The following SLC12A4 variants were observed in gnomAD, a reference collection of about 807,000 sequenced individuals.
SLC12A4 encodes electroneutral potassium-chloride cotransporter 1.
SLC12A4 carries 84 observed loss-of-function variants against 119.2 expected under a neutral mutation model. The observed-to-expected ratio is 0.70, with a 90% CI of 0.59 to 0.85. The LOEUF (loss-of-function observed/expected upper bound fraction) is 0.85, where lower values mean the gene tolerates loss of function less well. SLC12A4 is among the 40% of genes least tolerant of loss of function. The probability of loss-of-function intolerance (pLI) is 0.00; values close to 1 mark genes in which losing one functional copy is unlikely to be tolerated. For missense variants in SLC12A4, 1,298 were observed against 1,476.3 expected (o/e 0.88, Z 1.98); for synonymous variants, 599 against 604.6 (o/e 0.99, Z 0.14).
At chr16:67,946,679 G>T (rs1199643367) in intron 17 of SLC12A4, 46 bp from the exon 18 acceptor site, 5 of 1,571,154 alleles carry the variant, frequency 3.2e-6, no homozygotes, top group Non-Finnish European at 8.7e-7. Context: ...TCAGCTTCCT[G>T]CCTCTGGGCT....
intron 17 of SLC12A4, 97 bp downstream of exon 17, chr16:67,946,836 CCTGG>C (rs2058356469): frequency 1.4e-6 from 2 of 1,403,712 alleles, no homozygotes; most frequent in African/African-American, 2.9e-5. Context: ...GTGCTGGCTG[CCTGG>C]CTGGCCACCC....
Position 67,946,282 on chromosome 16 carries a change from G to A in SLC12A4, c.2496C>T (p.Ala832=), listed in dbSNP as rs141749759. The stretch of plus-strand genomic sequence containing the variant: ...AGCGCTCGTGGTTGCTGGGGTAGAA[G>A]GCGATGTTCTTGGGCACGAGCAGGG... ...HLALLVPKNI[A]FYPSNHERYL... The change falls in exon 19 of 24, where the codon GCC becomes GCT. Residue 832 remains alanine (A), a synonymous_variant. Coordinates refer to ENST00000316341, the MANE Select transcript of SLC12A4 (RefSeq NM_005072.5). 6.2e-7 allele frequency: 1 copy of A among 1,613,376 alleles called. No homozygotes were observed. Among genetic ancestry groups the A allele is most frequent in the Admixed American group, 1.7e-5 (1 of 60,030 alleles).
chr16:67,968,091 T>C (rs561204171), intron 1 of SLC12A4, among the ~76,000 whole-genome samples: 3 of 152,124 alleles, frequency 2.0e-5, no homozygotes, highest in East Asian at 2.0e-4. Context: ...TTCACCGAAG[T>C]TGAAGGGCCG....
Position 67,947,832 on chromosome 16 carries a change from C to G in SLC12A4, c.1848-44G>C. On this transcript the variant is annotated intron_variant, in intron 14 of 23. Coordinates refer to ENST00000316341, the MANE Select transcript of SLC12A4 (RefSeq NM_005072.5). ...CAGAGTCAGGGCAGGACCAGGAGGA[C>G]CCCTGGCCACAGCCTGGCCCATGCC... The G allele has an allele frequency of 1.9e-6, 3 of 1,550,518 alleles. No homozygotes were observed. The South Asian group carries it at 3.6e-5, about 18-fold the overall frequency.
chr16:67,947,832 C>A (rs1263502346), intron 14 of SLC12A4, 44 bp from the exon 15 acceptor site: 2 of 1,550,518 alleles, frequency 1.3e-6, no homozygotes, highest in African/African-American at 2.7e-5. Flanking sequence ...ACCAGGAGGA[C>A]CCCTGGCCAC....
chr16:67,965,614 C>T lies in SLC12A4; in HGVS notation c.116-2055G>A, dbSNP rs11861472. Among the ~76,000 whole-genome samples the T allele has an allele frequency of 6.7e-3, 1,022 of 152,316 alleles. 14 individuals carry two copies. The highest frequency in any genetic ancestry group is 0.022 in the African/African-American group (922 of 41,578). ...TTATTCTAAACTCATGTACTACAGC[C>T]TGCCCCATCACTGTTGCCTGGTCTT... On this transcript the variant is annotated intron_variant, in intron 1 of 23. Coordinates refer to ENST00000316341, the MANE Select transcript of SLC12A4 (RefSeq NM_005072.5).
rs1352119216 is a variant in SLC12A4, at chr16:67,950,628, TAAAGAGG to T, written c.1454+19_1454+25del. 1.2e-6 allele frequency: 2 copies of T among 1,610,356 alleles called. No homozygotes were observed. The highest frequency in any genetic ancestry group is 2.7e-5 in the African/African-American group (2 of 74,704). ...GGGCAGGCCAAAGCCCAGCCGCTGC[TAAAGAGG>T]GGGGCCCAGCTCACTCACTTGTCCC... On this transcript the variant is annotated intron_variant, in intron 11 of 23. Coordinates refer to ENST00000316341, the MANE Select transcript of SLC12A4 (RefSeq NM_005072.5). The surrounding 1 kb of genome is among the most constrained non-coding windows in gnomAD (Gnocchi z 4.3).
chr16:67,962,341 G>C (rs2030625362), intron 2 of SLC12A4: 1 of 152,338 alleles, frequency 6.6e-6, no homozygotes, highest in Non-Finnish European at 1.5e-5. Context: ...CCCAGGTCAG[G>C]AGGCCTCCCA....
At chr16:67,966,807 G>GT in intron 1 of SLC12A4, 1 of 1,551,064 alleles carries the variant, frequency 6.4e-7, no homozygotes, top group East Asian at 2.4e-5. Flanking sequence ...CTGGAAAGGA[G>GT]TAAGAGGAGG....
In SLC12A4 at chr16:67,949,738, G is replaced by T; in HGVS notation, c.1748+62C>A. ...ACCTCCAACACCAGACGCAGCCACGGGGAGGTGCTGGGGTTCAGGAAGCCT... is the reference window on the plus strand; with the variant it reads ...ACCTCCAACACCAGACGCAGCCACGTGGAGGTGCTGGGGTTCAGGAAGCCT... On this transcript the variant is annotated intron_variant, in intron 13 of 23. Transcript: ENST00000316341. This position sits in a 1 kb window ranked among gnomAD's most constrained non-coding sequence, Gnocchi z 4.6. 8.8e-7 allele frequency: 1 copy of T among 1,138,474 alleles called. No individual in the cohort carries two copies. 70.5% of individuals were successfully genotyped at this position (1,138,474 alleles called of 1,614,324 possible). A position where few individuals can be genotyped will look rare whatever the true frequency, so the allele number is the denominator to read the frequency against.
Position 67,944,542 on chromosome 16 carries a change from C to T in SLC12A4, c.*298G>A, listed in dbSNP as rs1265233718. 9.3e-6 allele frequency: 12 copies of T among 1,291,094 alleles called. No individual in the cohort carries two copies. The highest frequency in any genetic ancestry group is 9.8e-6 in the Non-Finnish European group (10 of 1,018,850). 80.0% of individuals were successfully genotyped at this position (1,291,094 alleles called of 1,614,324 possible). A position where few individuals can be genotyped will look rare whatever the true frequency, so the allele number is the denominator to read the frequency against. ...AATAAATAGCGCTCCTGGGCTGGGC[C>T]GGGCCGGCTGCCTTCAAACCCCACT... On this transcript the variant is annotated 3_prime_UTR_variant, in exon 24 of 24. Transcript: ENST00000316341. The surrounding 1 kb of genome is among the most constrained non-coding windows in gnomAD (Gnocchi z 6.6).
chr16:67,950,912 A>G lies in SLC12A4; in HGVS notation c.1396+50T>C. The G allele has an allele frequency of 1.3e-6, 2 of 1,588,384 alleles. No individual in the cohort carries two copies. The highest frequency in any genetic ancestry group is 1.7e-6 in the Non-Finnish European group (2 of 1,158,610). The stretch of plus-strand genomic sequence containing the variant: ...TGTGACCTGGCAACGTACACAGGCC[A>G]AGCGCTTCCCGTCCTCTGCCCCACC... On this transcript the variant is annotated intron_variant, in intron 10 of 23. Transcript: ENST00000316341. This position sits in a 1 kb window ranked among gnomAD's most constrained non-coding sequence, Gnocchi z 4.3.
chr16:67,947,091 A>C lies in SLC12A4; in HGVS notation c.2087T>G (p.Val696Gly). ...HTKNWRPQLL[V>G]LLKLDEDLHV... Reference sequence around the variant, plus strand: ...GAGGTCCTCGTCCAGCTTCAGCAGCACCAGCAGCTGCGGCCTGCAGTGGCC... The same window carrying C: ...GAGGTCCTCGTCCAGCTTCAGCAGCCCCAGCAGCTGCGGCCTGCAGTGGCC... Residue 696 changes from valine to glycine, a missense_variant, in exon 17 of 24, where the codon GTG becomes GGG. Physicochemically the swap from Val to Gly is moderately radical, Grantham distance 109 (BLOSUM62 -3). Coordinates refer to ENST00000316341, the MANE Select transcript of SLC12A4 (RefSeq NM_005072.5). 6.3e-7 allele frequency: 1 copy of C among 1,599,270 alleles called. No individual in the cohort carries two copies. The highest frequency in any genetic ancestry group is 1.1e-5 in the South Asian group (1 of 89,774).
chr16:67,954,830 C>G (rs1373082744), intron 5 of SLC12A4, 57 bp from the exon 6 acceptor site: 11 of 1,605,932 alleles, frequency 6.8e-6, no homozygotes, highest in Non-Finnish European at 9.4e-6. Context: ...TTCAAGGGGT[C>G]TCCCTGTGAC....
chr16:67,944,933 T>G lies in SLC12A4; in HGVS notation c.3167-2A>C, dbSNP rs1310315928. ...TCAGCACCTCGAGGAACTCCATGTC[T>G]GCAGGGCCTCAAGTCAAGGAGGCAA... On this transcript the variant is annotated splice_acceptor_variant, in intron 23 of 23. Coordinates refer to ENST00000316341, the MANE Select transcript of SLC12A4 (RefSeq NM_005072.5). LOFTEE classifies it high-confidence loss of function. The surrounding 1 kb of genome is among the most constrained non-coding windows in gnomAD (Gnocchi z 6.6). 2 of 1,613,342 alleles carry G rather than the reference T, an allele frequency of 1.2e-6. No individual in the cohort carries two copies. Among genetic ancestry groups the G allele is most frequent in the Non-Finnish European group, 1.7e-6 (2 of 1,179,978 alleles).
intron 2 of SLC12A4, among the ~76,000 whole-genome samples, chr16:67,961,938 G>T (rs752743198): frequency 6.6e-6 from 1 of 152,328 alleles, no homozygotes; most frequent in Non-Finnish European, 1.5e-5. Context: ...CCCCGCCTTG[G>T]CTACAATCAC....
At position 67,944,254 on chromosome 16, in the gene SLC12A4, C is replaced by A; in HGVS notation, c.*586G>T. 1.2e-5 allele frequency: 17 copies of A among 1,425,124 alleles called. No individual in the cohort carries two copies. The highest frequency in any genetic ancestry group is 1.5e-5 in the Non-Finnish European group (16 of 1,089,694). The allele number at this position is 1,425,124 out of a possible 1,614,324, so 88.3% of individuals were successfully genotyped here. A position where few individuals can be genotyped will look rare whatever the true frequency, so the allele number is the denominator to read the frequency against. ...CGGAAAGGGGCACAGCCTCAGGGAG[C>A]CGGCTCTGGGCCTGGGTTCAGTTCC... On this transcript the variant is annotated 3_prime_UTR_variant, in exon 24 of 24. Transcript: ENST00000316341. The surrounding 1 kb of genome is among the most constrained non-coding windows in gnomAD (Gnocchi z 6.6).
chr16:67,961,473 A>G, intron 3 of SLC12A4, 102 bp downstream of exon 3: 1 of 1,503,218 alleles, frequency 6.7e-7, no homozygotes, highest in Non-Finnish European at 9.0e-7. Flanking sequence ...CTTGGCACCC[A>G]CTTCCCCCAG....
rs1307586519 is a variant in SLC12A4, at chr16:67,949,651, G to A, written c.1748+149C>T. ...GGTGCCAGGCTTGCTCCTAAATGCA[G>A]GGGTGGGCTGAGCCCTGTCAGGCCA... On this transcript the variant is annotated intron_variant, in intron 13 of 23. Coordinates refer to ENST00000316341, the MANE Select transcript of SLC12A4 (RefSeq NM_005072.5). The surrounding 1 kb of genome is among the most constrained non-coding windows in gnomAD (Gnocchi z 4.6). 1 of 591,440 alleles carries A rather than the reference G, an allele frequency of 1.7e-6. No individual in the cohort carries two copies. Among genetic ancestry groups the A allele is most frequent in the South Asian group, 2.0e-5 (1 of 49,124 alleles). The allele number at this position is 591,440 out of a possible 1,614,324, so 36.6% of individuals were successfully genotyped here. A position where few individuals can be genotyped will look rare whatever the true frequency, so the allele number is the denominator to read the frequency against.
Sources: gnomAD v4.1 joint callset for allele counts (sites outside exome capture counted in the v4.1 genomes callset) on GRCh38, gnomAD v4.1.1 for gene constraint, Gnocchi (gnomAD v3.1) non-coding constraint, MANE v1.5 for transcripts, NCBI Gene and HGNC (gene_info 2026-07-23, HGNC 2026-07-21) for gene names.